YBX1: variants seen among roughly 807,000 people sequenced by gnomAD.
The protein encoded by YBX1 is Y-box binding protein 1, also known as Y-box-binding protein 1.
In YBX1, 3 loss-of-function variants were observed where a neutral mutation model predicts 41.4. The ratio of observed to expected loss-of-function variants is 0.07; its 90% CI spans 0.03 to 0.19. The LOEUF is 0.19. YBX1 is among the 10% of genes least tolerant of loss of function. The probability of loss-of-function intolerance (pLI) is 1.00; values close to 1 mark genes in which losing one functional copy is unlikely to be tolerated. For synonymous variants in YBX1, 133 were observed against 165.8 expected, an observed-to-expected ratio of 0.80 and a Z score of 1.52; for missense variants, 274 against 462.8, an observed-to-expected ratio of 0.59 and a Z score of 3.74.
chr1:42,697,000 G>A lies in YBX1; in HGVS notation c.657+56G>A. 6.7e-7 allele frequency: 1 copy of A among 1,499,718 alleles called. No homozygotes were observed. Among genetic ancestry groups the A allele is most frequent in the Non-Finnish European group, 8.9e-7 (1 of 1,126,226 alleles). 92.9% of individuals were successfully genotyped at this position (1,499,718 alleles called of 1,614,324 possible). A position where few individuals can be genotyped will look rare whatever the true frequency, so the allele number is the denominator to read the frequency against. On this transcript the variant is annotated intron_variant, in intron 5 of 7. Coordinates refer to ENST00000321358, the MANE Select transcript of YBX1 (RefSeq NM_004559.5). This position sits in a 1 kb window ranked among gnomAD's most constrained non-coding sequence, Gnocchi z 5.7. ...ATAAGTTCTGGTAGGACTGTTTAGA[G>A]CTGTTAATTATATGGAAAGCAACTT...
Position 42,690,232 on chromosome 1 carries a change from A to G in YBX1, c.231-3258A>G, listed in dbSNP as rs929658920. 9.6e-5 allele frequency among the ~76,000 whole-genome samples: 14 copies of G among 145,704 alleles called. 1 individual carries two copies. Among genetic ancestry groups the G allele is most frequent in the Admixed American group, 2.8e-4 (4 of 14,466 alleles). On this transcript the variant is annotated intron_variant, in intron 2 of 7. Transcript: ENST00000321358. The stretch of plus-strand genomic sequence containing the variant: ...TCTCAAAAAAAAATTGAGTACTGTT[A>G]TTTCTTTTTCTTTTCTTTTTTTTTT...
intron 6 of YBX1, among the ~76,000 whole-genome samples, chr1:42,698,105 T>G (rs1248398621): frequency 6.6e-6 from 1 of 152,266 alleles, no homozygotes; most frequent in African/African-American, 2.4e-5. Context: ...TTTATTATTC[T>G]AGAAGTATCC....
intron 1 of YBX1, chr1:42,683,119 C>T (rs1016946212): frequency 8.4e-6 from 5 of 598,428 alleles, no homozygotes; most frequent in Middle Eastern, 2.7e-4. Context: ...CTACGCAGGC[C>T]GGAGCGGCTT....
Position 42,690,981 on chromosome 1 carries a change from T to G in YBX1, c.231-2509T>G, listed in dbSNP as rs1016664293. On this transcript the variant is annotated intron_variant, in intron 2 of 7. Coordinates refer to ENST00000321358, the MANE Select transcript of YBX1 (RefSeq NM_004559.5). ...AAAACTGAACAGAAAAGAATAGTGA[T>G]GGCTGGCAGAGAGTGACACCTGCAC... Among the ~76,000 whole-genome samples the G allele has an allele frequency of 3.3e-5, 5 of 152,278 alleles. No homozygotes were observed. In the East Asian group the frequency reaches 7.7e-4, roughly 24 times the overall value.
chr1:42,683,225 C>A, intron 1 of YBX1, 178 bp from the exon 2 acceptor site: 1 of 755,138 alleles, frequency 1.3e-6, no homozygotes, highest in East Asian at 2.7e-5. Flanking sequence ...GCGCTTCAGA[C>A]TCACCCACGT....
chr1:42,696,394 C>T lies in YBX1; in HGVS notation c.354+106C>T, dbSNP rs901437017. On this transcript the variant is annotated intron_variant, in intron 4 of 7. Coordinates refer to ENST00000321358, the MANE Select transcript of YBX1 (RefSeq NM_004559.5). This position sits in a 1 kb window ranked among gnomAD's most constrained non-coding sequence, Gnocchi z 5.7. ...ATGTGGATGGATGTGTTCAGGTGACCTCATGAACACAGGTGCATCAAGCCT... is the reference window on the plus strand; with the variant it reads ...ATGTGGATGGATGTGTTCAGGTGACTTCATGAACACAGGTGCATCAAGCCT... The T allele has an allele frequency of 5.1e-6, 6 of 1,179,638 alleles. No individual in the cohort carries two copies. The highest frequency in any genetic ancestry group is 7.3e-6 in the Non-Finnish European group (6 of 826,994). 73.1% of individuals were successfully genotyped at this position (1,179,638 alleles called of 1,614,324 possible).
intron 2 of YBX1, among the ~76,000 whole-genome samples, chr1:42,688,995 A>G (rs1483336541): frequency 6.6e-6 from 1 of 152,162 alleles, no homozygotes. Flanking sequence ...TAAATTTTGG[A>G]AGAGTCAAAA....
At chr1:42,685,634 C>T (rs1650176440) in intron 2 of YBX1, among the ~76,000 whole-genome samples, 1 of 152,156 alleles carries the variant, frequency 6.6e-6, no homozygotes, top group African/African-American at 2.4e-5. Context: ...ACATAACGTG[C>T]TGTTTTCTGT....
At chr1:42,682,874 C>A (rs972507272) in intron 1 of YBX1, 143 bp downstream of exon 1, 17 of 341,124 alleles carry the variant, frequency 5.0e-5, no homozygotes, top group Admixed American at 1.1e-4. Context: ...CCGTCCCCCC[C>A]TCACTCCCTC....
intron 6 of YBX1, among the ~76,000 whole-genome samples, 189 bp from the exon 7 acceptor site, chr1:42,700,592 C>G (rs1208619705): frequency 7.4e-6 from 1 of 134,370 alleles, no homozygotes; most frequent in African/African-American, 2.9e-5. Flanking sequence ...AAGCAAGACT[C>G]TTCCCCCTAC....
At chr1:42,689,391 G>T (rs11210696) in intron 2 of YBX1, among the ~76,000 whole-genome samples, 48,723 of 152,010 alleles carry the variant, frequency 0.32, 8,041 homozygotes, top group South Asian at 0.37. Flanking sequence ...TTGTAAATTA[G>T]TGTATGCAGT....
intron 2 of YBX1, 110 bp downstream of exon 2, chr1:42,683,576 TTTAC>T (rs1184512519): frequency 2.3e-5 from 28 of 1,192,858 alleles, no homozygotes; most frequent in Non-Finnish European, 3.4e-5. Flanking sequence ...CTGAAAGGCG[TTTAC>T]TACCTCTGGT....
intron 2 of YBX1, among the ~76,000 whole-genome samples, chr1:42,690,671 A>G (rs1373360111): frequency 6.6e-6 from 1 of 152,236 alleles, no homozygotes; most frequent in African/African-American, 2.4e-5. Flanking sequence ...GCTTTAGCCC[A>G]TAGGAACTTG....
At chr1:42,697,298 C>G in intron 6 of YBX1, 36 bp downstream of exon 6, 1 of 1,603,840 alleles carries the variant, frequency 6.2e-7, no homozygotes, top group Non-Finnish European at 8.5e-7. Context: ...ATTAAAATTT[C>G]CTCAAACCCG....
intron 6 of YBX1, among the ~76,000 whole-genome samples, chr1:42,697,901 C>T (rs935423200): frequency 6.6e-6 from 1 of 152,112 alleles, no homozygotes; most frequent in Non-Finnish European, 1.5e-5. Context: ...GCAGTGTTCC[C>T]AGTCCCACGG....
rs185061907 is a variant in YBX1 at position 42,696,916 on chromosome 1, A to G, written c.629A>G (p.Asn210Ser). Residue 210 changes from asparagine (N) to serine (S), a missense_variant, in exon 5 of 8, where the codon AAC becomes AGC. Asn to Ser is a conservative substitution (Grantham distance 46). Around this residue, in one of 3 missense-constraint regions of YBX1, gnomAD observed 187 missense variants for 306.3 expected, o/e 0.61. Transcript: ENST00000321358. The surrounding 1 kb of genome is among the most constrained non-coding windows in gnomAD (Gnocchi z 5.7). Reference protein sequence around the residue: ...RPYGRRPQYSNPPVQGEVMEG... With the variant: ...RPYGRRPQYSSPPVQGEVMEG... ...TATGGGCGTCGACCACAGTATTCCAACCCTCCTGTGCAGGGAGAAGTGATG... is the reference window on the plus strand; with the variant it reads ...TATGGGCGTCGACCACAGTATTCCAGCCCTCCTGTGCAGGGAGAAGTGATG... The G allele has an allele frequency of 1.9e-6, 3 of 1,565,738 alleles. No individual in the cohort carries two copies. The highest frequency in any genetic ancestry group is 1.2e-5 in the South Asian group (1 of 83,758).
chr1:42,691,867 T>A (rs765966698), intron 2 of YBX1, among the ~76,000 whole-genome samples: 29 of 149,808 alleles, frequency 1.9e-4, no homozygotes, highest in East Asian at 8.5e-4. Context: ...AATTTTATTT[T>A]TTTATTTTTT....
intron 2 of YBX1, among the ~76,000 whole-genome samples, chr1:42,689,239 G>A (rs1289284068): frequency 3.3e-5 from 5 of 152,036 alleles, no homozygotes; most frequent in Non-Finnish European, 7.3e-5. Context: ...TGGGTGTGAA[G>A]GGTGTTTAAT....
chr1:42,692,427 G>A (rs1313702540), intron 2 of YBX1, among the ~76,000 whole-genome samples: 2 of 152,072 alleles, frequency 1.3e-5, no homozygotes, highest in South Asian at 2.1e-4. Context: ...GCCTTAAGTC[G>A]CTTTTACAGT....
Sources: allele counts gnomAD v4.1 joint callset (sites outside exome capture counted in the v4.1 genomes callset), GRCh38; gene constraint gnomAD v4.1.1; regional missense constraint gnomAD v4.1.1; non-coding constraint Gnocchi (gnomAD v3.1); transcripts MANE v1.5; gene names NCBI Gene and HGNC (gene_info 2026-07-23, HGNC 2026-07-21).